Variants in TSHZ2 observed in about 807,000 individuals in gnomAD.
TSHZ2 encodes the protein teashirt zinc finger homeobox 2.
TSHZ2 carries 21 observed loss-of-function variants against 74.4 expected under a neutral mutation model. The observed-to-expected ratio is 0.28, with a 90% CI of 0.20 to 0.41. The LOEUF is 0.41. TSHZ2 is among the 10% of genes least tolerant of loss of function. TSHZ2 has a pLI of 1.00. For synonymous variants in TSHZ2, 540 were observed against 515.3 expected, an observed-to-expected ratio of 1.05 and a Z score of -0.65; for missense variants, 1,244 against 1,293.5, an observed-to-expected ratio of 0.96 and a Z score of 0.59.
intron 1 of TSHZ2, among the ~76,000 whole-genome samples, chr20:52,975,269 G>A (rs1231829793): frequency 6.6e-6 from 1 of 150,970 alleles, no homozygotes; most frequent in Non-Finnish European, 1.5e-5. Context: ...TTTTCTGGTT[G>A]TTCCGGTAAA....
intron 2 of TSHZ2, among the ~76,000 whole-genome samples, chr20:53,261,302 G>C (rs1359163775): frequency 6.6e-6 from 1 of 152,164 alleles, no homozygotes; most frequent in Non-Finnish European, 1.5e-5. Flanking sequence ...GGACTGACCC[G>C]CAGGGTGAAG....
intron 2 of TSHZ2, among the ~76,000 whole-genome samples, chr20:53,401,774 CTTTTTTTT>C (rs59656180): frequency 3.8e-4 from 36 of 94,850 alleles, no homozygotes; most frequent in African/African-American, 1.5e-3. Flanking sequence ...AACACATTTT[CTTTTTTTT>C]TTTTTTTTTT....
chr20:53,222,448 G>C (rs749444704), intron 1 of TSHZ2, among the ~76,000 whole-genome samples: 17 of 152,202 alleles, frequency 1.1e-4, no homozygotes, highest in Non-Finnish European at 1.6e-4. Context: ...ACCAGCAGGT[G>C]CTTAAAATGT....
At chr20:53,087,150 C>G (rs945326240) in intron 1 of TSHZ2, among the ~76,000 whole-genome samples, 1 of 152,152 alleles carries the variant, frequency 6.6e-6, no homozygotes, top group Admixed American at 6.5e-5. Flanking sequence ...CTTTCTTGAG[C>G]AACAGCCTGT....
chr20:53,442,789 C>CAAAT (rs1416961333), intron 2 of TSHZ2, among the ~76,000 whole-genome samples: 1 of 152,180 alleles, frequency 6.6e-6, no homozygotes. Flanking sequence ...ACAACATTGT[C>CAAAT]AAATATGTAT....
intron 1 of TSHZ2, among the ~76,000 whole-genome samples, chr20:53,151,092 C>G (rs770462174): frequency 2.0e-5 from 3 of 152,194 alleles, no homozygotes; most frequent in African/African-American, 7.2e-5. Flanking sequence ...ATATCACGCT[C>G]TCTTGACAGC....
chr20:53,000,056 G>A (rs1402519368), intron 1 of TSHZ2, among the ~76,000 whole-genome samples: 6 of 152,176 alleles, frequency 3.9e-5, no homozygotes, highest in African/African-American at 4.8e-5. Context: ...CTTCGCAGAC[G>A]TCCAATGAGT....
At position 53,465,966 on chromosome 20, in the gene TSHZ2, TAAAA is replaced by T. The variant is rs557411643; in HGVS notation, c.*9-21163_*9-21160del. Among the ~76,000 whole-genome samples the T allele has an allele frequency of 6.1e-5, 8 of 132,206 alleles. No individual in the cohort carries two copies. In the East Asian group the frequency reaches 6.6e-4, roughly 11 times the overall value. The allele number at this position is 132,206 out of a possible 152,430, so 86.7% of individuals were successfully genotyped here. A position where few individuals can be genotyped will look rare whatever the true frequency, so the allele number is the denominator to read the frequency against. On this transcript the variant is annotated intron_variant, in intron 2 of 2. Coordinates refer to ENST00000371497, the MANE Select transcript of TSHZ2 (RefSeq NM_173485.6). ...AGCTTAGACATATAATCACAGTGGT[TAAAA>T]AAAAAAAAAAAAAAGACTGTAATCC...
chr20:52,975,943 A>G (rs1325784122), intron 1 of TSHZ2, among the ~76,000 whole-genome samples: 2 of 152,248 alleles, frequency 1.3e-5, no homozygotes, highest in African/African-American at 4.8e-5. Flanking sequence ...AACTGTAAGT[A>G]ATTACACCCA....
chr20:53,487,559 G>A lies in TSHZ2; in HGVS notation c.*424G>A, dbSNP rs1986324950. 1 of 152,018 alleles carries A rather than the reference G, an allele frequency of 6.6e-6. No individual in the cohort carries two copies. The highest frequency in any genetic ancestry group is 2.4e-5 in the African/African-American group (1 of 41,414). The allele number at this position is 152,018 out of a possible 1,614,324, so 9.4% of individuals were successfully genotyped here. ...GTCTTCATAGTCTAATGTCCAAGTG[G>A]GTTGCACTAGATGTAGACACTTGGA... is the stretch of plus-strand genomic sequence containing the variant. On this transcript the variant is annotated 3_prime_UTR_variant, in exon 3 of 3. Transcript: ENST00000371497.
chr20:53,146,496 G>A (rs1368408258), intron 1 of TSHZ2, among the ~76,000 whole-genome samples: 7 of 152,192 alleles, frequency 4.6e-5, no homozygotes, highest in Non-Finnish European at 7.4e-5. Flanking sequence ...GCTTTCGCGC[G>A]TGAGTAATGA....
At chr20:53,045,015 T>A (rs953327571) in intron 1 of TSHZ2, among the ~76,000 whole-genome samples, 1 of 152,212 alleles carries the variant, frequency 6.6e-6, no homozygotes, top group African/African-American at 2.4e-5. Context: ...TTTTAAAAAA[T>A]TAATTCTCAT....
chr20:53,278,829 A>G (rs1261883571), intron 2 of TSHZ2, among the ~76,000 whole-genome samples: 2 of 152,262 alleles, frequency 1.3e-5, no homozygotes, highest in East Asian at 3.9e-4. Context: ...TGTCACAACT[A>G]CAGCTGACCC....
At chr20:53,102,534 T>A (rs1986247347) in intron 1 of TSHZ2, among the ~76,000 whole-genome samples, 1 of 151,822 alleles carries the variant, frequency 6.6e-6, no homozygotes, top group Admixed American at 6.6e-5. Context: ...AGGAATACTC[T>A]TAATAAGACC....
intron 1 of TSHZ2, among the ~76,000 whole-genome samples, chr20:53,012,512 G>A (rs890514256): frequency 6.6e-6 from 1 of 152,160 alleles, no homozygotes; most frequent in Non-Finnish European, 1.5e-5. Flanking sequence ...AGCTTGGGAA[G>A]TTTAGGTGTG....
intron 1 of TSHZ2, among the ~76,000 whole-genome samples, chr20:53,129,149 A>C (rs1284434233): frequency 1.3e-5 from 2 of 152,206 alleles, no homozygotes; most frequent in Non-Finnish European, 2.9e-5. Context: ...AATATCCAAT[A>C]ATAAGGAAAT....
rs917779819 is a variant in TSHZ2 at position 53,028,376 on chromosome 20, A to T, written c.40+55043A>T. Reference sequence around the variant, plus strand: ...ATCTTTAAACCATCTCCTTGTTTCAATTAAGAGCAACAGCAATGTGGGCCA... The same window carrying T: ...ATCTTTAAACCATCTCCTTGTTTCATTTAAGAGCAACAGCAATGTGGGCCA... On this transcript the variant is annotated intron_variant, in intron 1 of 2. Transcript: ENST00000371497. Among the ~76,000 whole-genome samples, 42 of 152,222 alleles carry T rather than the reference A, an allele frequency of 2.8e-4. 1 individual carries two copies. Among genetic ancestry groups the T allele is most frequent in the Admixed American group, 2.7e-3 (41 of 15,288 alleles).
intron 2 of TSHZ2, among the ~76,000 whole-genome samples, chr20:53,408,174 A>C (rs763954745): frequency 6.6e-5 from 10 of 152,182 alleles, no homozygotes; most frequent in Non-Finnish European, 1.5e-4. Context: ...CAGTCTCCAG[A>C]ATGCCTGTCC....
At chr20:53,274,930 C>T (rs1990912943) in intron 2 of TSHZ2, among the ~76,000 whole-genome samples, 1 of 152,106 alleles carries the variant, frequency 6.6e-6, no homozygotes, top group South Asian at 2.1e-4. Context: ...ACAGGTTTTT[C>T]CCCCAAGAAT....
Sources: allele counts gnomAD v4.1 joint callset (sites outside exome capture counted in the v4.1 genomes callset), GRCh38; gene constraint gnomAD v4.1.1; transcripts MANE v1.5; gene names NCBI Gene and HGNC (gene_info 2026-07-23, HGNC 2026-07-21).